TBC1D14: variants seen among roughly 807,000 people sequenced by gnomAD.
TBC1D14 encodes TBC1 domain family member 14.
In TBC1D14, 26 loss-of-function variants were observed where a neutral mutation model predicts 79.0. The ratio of observed to expected loss-of-function variants is 0.33; its 90% confidence interval spans 0.24 to 0.46. TBC1D14 has a LOEUF of 0.46. TBC1D14 is among the 20% of genes least tolerant of loss of function. TBC1D14 has a pLI of 1.00. For missense variants in TBC1D14, 769 were observed against 887.6 expected, an observed-to-expected ratio of 0.87 and a Z score of 1.70; for synonymous variants, 394 against 349.9, an observed-to-expected ratio of 1.13 and a Z score of -1.40.
chr4:6,994,100 C>G, intron 3 of TBC1D14, 84 bp from the exon 4 acceptor site: 7 of 1,226,944 alleles, frequency 5.7e-6, no homozygotes, highest in Non-Finnish European at 6.0e-6. Context: ...AAAAGAGTTT[C>G]ATGACAAAAC....
intron 2 of TBC1D14, among the ~76,000 whole-genome samples, chr4:6,965,283 G>C (rs369884070): frequency 2.4e-4 from 37 of 152,044 alleles, no homozygotes; most frequent in African/African-American, 8.7e-4. Context: ...TCAGCCTCCC[G>C]AGTAGCTGGG....
intron 6 of TBC1D14, among the ~76,000 whole-genome samples, chr4:6,999,471 A>G (rs966654520): frequency 2.0e-5 from 3 of 151,978 alleles, no homozygotes; most frequent in Non-Finnish European, 4.4e-5. Flanking sequence ...CTTACCTAGA[A>G]TTTCAGTAAC....
chr4:6,960,145 G>A (rs1206344101), intron 2 of TBC1D14, among the ~76,000 whole-genome samples: 2 of 148,518 alleles, frequency 1.3e-5, no homozygotes, highest in South Asian at 2.1e-4. Context: ...GCAATGGTGC[G>A]ATCTCAGCTC....
intron 13 of TBC1D14, among the ~76,000 whole-genome samples, chr4:7,029,530 G>A (rs578157498): frequency 1.2e-4 from 18 of 152,346 alleles, no homozygotes; most frequent in Admixed American, 5.2e-4. Flanking sequence ...CCACAATGGC[G>A]TGGAATATCT....
intron 2 of TBC1D14, among the ~76,000 whole-genome samples, chr4:6,928,330 G>A (rs1434948971): frequency 1.3e-5 from 2 of 152,318 alleles, no homozygotes; most frequent in South Asian, 2.1e-4. Flanking sequence ...CTCCTTGGGG[G>A]CAGAGCCTGT....
chr4:6,923,363 T>A lies in TBC1D14; in HGVS notation c.-17-10T>A. On this transcript the variant is annotated splice_polypyrimidine_tract_variant and intron_variant, in intron 1 of 13. Coordinates refer to ENST00000409757, the MANE Select transcript of TBC1D14 (RefSeq NM_020773.3). ...ATCCACTTTAATTTCCATGTTTGTG[T>A]TTTTTCTAGTTTCTCCTTGGACCAA... 1 of 1,567,728 alleles carries A rather than the reference T, an allele frequency of 6.4e-7. No individual in the cohort carries two copies. Among genetic ancestry groups the A allele is most frequent in the South Asian group, 1.2e-5 (1 of 84,732 alleles).
chr4:7,005,860 T>A (rs1230239606), intron 8 of TBC1D14, among the ~76,000 whole-genome samples: 10 of 152,200 alleles, frequency 6.6e-5, no homozygotes, highest in South Asian at 2.1e-4. Flanking sequence ...ATAGAGGAGC[T>A]CAGATTTACA....
chr4:6,913,527 T>C (rs1723161511), intron 1 of TBC1D14, among the ~76,000 whole-genome samples: 1 of 152,230 alleles, frequency 6.6e-6, no homozygotes, highest in African/African-American at 2.4e-5. Context: ...TTTCTGTTGC[T>C]GTGTGACCTT....
chr4:6,996,692 C>T (rs1366798120), intron 5 of TBC1D14, among the ~76,000 whole-genome samples: 1 of 152,226 alleles, frequency 6.6e-6, no homozygotes, highest in Non-Finnish European at 1.5e-5. Context: ...CCAAGGAGGC[C>T]TCTTCCATCC....
At chr4:6,919,375 A>C (rs939027897) in intron 1 of TBC1D14, among the ~76,000 whole-genome samples, 3 of 151,926 alleles carry the variant, frequency 2.0e-5, no homozygotes, top group African/African-American at 7.3e-5. Flanking sequence ...TGAACTCCTG[A>C]CCTCAGGTGA....
intron 2 of TBC1D14, among the ~76,000 whole-genome samples, chr4:6,946,104 A>G (rs1713426707): frequency 6.6e-6 from 1 of 152,056 alleles, no homozygotes; most frequent in South Asian, 2.1e-4. Context: ...CTGTCTCTGA[A>G]TTTTCTCTTC....
intron 2 of TBC1D14, among the ~76,000 whole-genome samples, chr4:6,935,974 AC>A (rs1240742616): frequency 6.6e-6 from 1 of 152,168 alleles, no homozygotes; most frequent in Non-Finnish European, 1.5e-5. Context: ...CAACATATTT[AC>A]TTTTTAAAAA....
At chr4:6,938,858 T>C (rs1358610876) in intron 2 of TBC1D14, among the ~76,000 whole-genome samples, 3 of 152,140 alleles carry the variant, frequency 2.0e-5, no homozygotes, top group Admixed American at 2.0e-4. Flanking sequence ...AGTGTTCCAT[T>C]GTTTCAGGTC....
intron 3 of TBC1D14, among the ~76,000 whole-genome samples, chr4:6,979,012 C>A (rs1717114244): frequency 6.6e-6 from 1 of 152,152 alleles, no homozygotes; most frequent in Non-Finnish European, 1.5e-5. Context: ...GATGAAGTTT[C>A]TGCATTCCAC....
At chr4:6,991,873 C>G (rs1024160201) in intron 3 of TBC1D14, among the ~76,000 whole-genome samples, 4 of 152,256 alleles carry the variant, frequency 2.6e-5, no homozygotes, top group Admixed American at 2.0e-4. Flanking sequence ...GAAGCTCTGA[C>G]TGAAGCGATC....
chr4:6,922,864 G>A (rs1156276038), intron 1 of TBC1D14, among the ~76,000 whole-genome samples: 1 of 152,052 alleles, frequency 6.6e-6, no homozygotes, highest in Non-Finnish European at 1.5e-5. Flanking sequence ...CTTTGTTTGG[G>A]TTATCTTCCT....
intron 3 of TBC1D14, among the ~76,000 whole-genome samples, chr4:6,970,371 C>T (rs1487843842): frequency 1.3e-5 from 2 of 152,214 alleles, no homozygotes; most frequent in African/African-American, 4.8e-5. Context: ...TAGCACCTGC[C>T]TCCATGGTGG....
chr4:6,967,056 A>G (rs1715763747), intron 2 of TBC1D14, among the ~76,000 whole-genome samples: 1 of 152,092 alleles, frequency 6.6e-6, no homozygotes, highest in Admixed American at 6.5e-5. Flanking sequence ...TGATCTGCCC[A>G]CCTCGGCCTC....
At chr4:6,934,400 G>T (rs1191143029) in intron 2 of TBC1D14, among the ~76,000 whole-genome samples, 3 of 152,226 alleles carry the variant, frequency 2.0e-5, no homozygotes, top group African/African-American at 7.2e-5. Flanking sequence ...CAGGGCAGAT[G>T]AGGACTCAGA....
Sources: allele counts gnomAD v4.1 joint callset (sites outside exome capture counted in the v4.1 genomes callset), GRCh38; gene constraint gnomAD v4.1.1; transcripts MANE v1.5; gene names NCBI Gene and HGNC (gene_info 2026-07-23, HGNC 2026-07-21).